Variants in PXDNL observed in about 807,000 individuals in gnomAD.
PXDNL encodes the protein peroxidasin like.
In PXDNL, 145 loss-of-function variants were observed where a neutral mutation model predicts 150.8. That is an observed-to-expected ratio of 0.96 (90% CI 0.84 to 1.10). The LOEUF is 1.10. PXDNL is among the 50% of genes least tolerant of loss of function. The pLI is 0.00. For missense variants in PXDNL, 2,087 were observed against 1,873.9 expected, an observed-to-expected ratio of 1.11 and a Z score of -2.10; for synonymous variants, 757 against 725.7, an observed-to-expected ratio of 1.04 and a Z score of -0.69.
intron 12 of PXDNL, among the ~76,000 whole-genome samples, chr8:51,430,880 C>G (rs747274955): frequency 4.6e-5 from 7 of 152,202 alleles, no homozygotes; most frequent in Non-Finnish European, 1.0e-4. Context: ...CAGGAACAAA[C>G]TGCCCTTGTC....
chr8:51,475,002 C>G lies in PXDNL; in HGVS notation c.664G>C (p.Ala222Pro), dbSNP rs1231052847. The G allele has an allele frequency of 3.1e-6, 5 of 1,606,408 alleles. No homozygotes were observed. In the East Asian group the frequency reaches 1.1e-4, roughly 36 times the overall value. ...YPRRLHGRAV[A>P]SVTVEEFNCQ... ...TTGAATTCCTCTACTGTTACTGAAG[C>G]AACTGCACGCCCATGGAGTCTCCTG... The change falls in exon 7 of 23, where the codon GCT becomes CCT. Residue 222 changes from alanine to proline, a missense_variant. By Grantham distance (27) the Ala-to-Pro change is conservative. Transcript: ENST00000356297.
chr8:51,420,241 C>A (rs1408104123), intron 14 of PXDNL, among the ~76,000 whole-genome samples: 1 of 152,142 alleles, frequency 6.6e-6, no homozygotes, highest in African/African-American at 2.4e-5. Context: ...ATTGGAAAAT[C>A]CTCCTGTAAG....
chr8:51,685,039 C>G (rs10088109), intron 1 of PXDNL, among the ~76,000 whole-genome samples: 127,958 of 152,176 alleles, frequency 0.84, 54,093 homozygotes, highest in African/African-American at 0.93. Flanking sequence ...ATATTGTAGG[C>G]AGGCACTCAG....
intron 17 of PXDNL, among the ~76,000 whole-genome samples, chr8:51,376,532 T>C (rs1807314075): frequency 6.6e-6 from 1 of 152,200 alleles, no homozygotes; most frequent in Admixed American, 6.5e-5. Flanking sequence ...ATTTCTGTTT[T>C]CTTGTTACAT....
At chr8:51,489,504 G>T (rs538273800) in intron 5 of PXDNL, among the ~76,000 whole-genome samples, 1 of 152,088 alleles carries the variant, frequency 6.6e-6, no homozygotes, top group African/African-American at 2.4e-5. Context: ...TTTTTGTAGA[G>T]ATTGGGTTTT....
At chr8:51,624,233 G>A (rs960772818) in intron 2 of PXDNL, among the ~76,000 whole-genome samples, 6 of 152,128 alleles carry the variant, frequency 3.9e-5, no homozygotes, top group Non-Finnish European at 5.9e-5. Flanking sequence ...AGATACTGGG[G>A]AGCCAAAGGA....
At chr8:51,598,274 A>G (rs1365810809) in intron 2 of PXDNL, among the ~76,000 whole-genome samples, 2 of 152,054 alleles carry the variant, frequency 1.3e-5, no homozygotes, top group Non-Finnish European at 2.9e-5. Context: ...AGTATTTTGA[A>G]TAGGAATGAT....
intron 4 of PXDNL, among the ~76,000 whole-genome samples, chr8:51,507,222 A>G (rs888997541): frequency 8.5e-5 from 13 of 152,354 alleles, no homozygotes; most frequent in Admixed American, 3.3e-4. Flanking sequence ...ATACCATGAG[A>G]ATCCAAATAT....
intron 1 of PXDNL, among the ~76,000 whole-genome samples, chr8:51,737,859 G>C (rs550222013): frequency 6.6e-6 from 1 of 151,710 alleles, no homozygotes; most frequent in South Asian, 2.1e-4. Flanking sequence ...ATTAAGATTC[G>C]CTCTCACTGA....
intron 7 of PXDNL, among the ~76,000 whole-genome samples, chr8:51,473,272 TAAACA>T (rs1810388163): frequency 5.8e-5 from 1 of 17,272 alleles, no homozygotes; most frequent in Non-Finnish European, 2.4e-4. Context: ...CAGTAGAAAA[TAAACA>T]CACACACACA....
intron 8 of PXDNL, among the ~76,000 whole-genome samples, chr8:51,462,561 A>T (rs1810106673): frequency 6.6e-6 from 1 of 152,182 alleles, no homozygotes; most frequent in Non-Finnish European, 1.5e-5. Flanking sequence ...GAGCTCAAAA[A>T]CTGGTTCTTT....
chr8:51,454,306 A>C (rs930131965), intron 9 of PXDNL, among the ~76,000 whole-genome samples: 1 of 152,218 alleles, frequency 6.6e-6, no homozygotes, highest in Non-Finnish European at 1.5e-5. Flanking sequence ...CAAAAAGCAG[A>C]AAGAAGAATA....
intron 5 of PXDNL, among the ~76,000 whole-genome samples, chr8:51,491,742 A>G (rs1405193768): frequency 6.6e-6 from 1 of 152,228 alleles, no homozygotes; most frequent in Admixed American, 6.5e-5. Context: ...CAAAAATACA[A>G]GGCTTGGTGG....
intron 3 of PXDNL, among the ~76,000 whole-genome samples, chr8:51,568,597 C>T (rs572953613): frequency 6.6e-6 from 1 of 150,802 alleles, no homozygotes; most frequent in South Asian, 2.1e-4. Flanking sequence ...GGTATTTATT[C>T]TGCTTTGTGT....
At chr8:51,730,538 G>A (rs1301969625) in intron 1 of PXDNL, among the ~76,000 whole-genome samples, 1 of 152,162 alleles carries the variant, frequency 6.6e-6, no homozygotes, top group Non-Finnish European at 1.5e-5. Context: ...TGGATGTAGA[G>A]ATGATTAAGA....
At chr8:51,444,913 A>T (rs1373944298) in intron 12 of PXDNL, among the ~76,000 whole-genome samples, 1 of 148,434 alleles carries the variant, frequency 6.7e-6, no homozygotes, top group African/African-American at 2.5e-5. Flanking sequence ...TTATTTTTCT[A>T]TTTTTTTTTT....
At chr8:51,510,168 A>C (rs1563444450) in intron 4 of PXDNL, among the ~76,000 whole-genome samples, 1 of 152,210 alleles carries the variant, frequency 6.6e-6, no homozygotes, top group Non-Finnish European at 1.5e-5. Flanking sequence ...CAAGAAAGGC[A>C]CATTGGGAAG....
At chr8:51,555,621 A>C (rs995877492) in intron 4 of PXDNL, among the ~76,000 whole-genome samples, 2 of 152,180 alleles carry the variant, frequency 1.3e-5, no homozygotes, top group Non-Finnish European at 2.9e-5. Context: ...AACCACATTG[A>C]ATATGGAAAC....
At chr8:51,679,750 G>T (rs927176361) in intron 1 of PXDNL, among the ~76,000 whole-genome samples, 1 of 152,138 alleles carries the variant, frequency 6.6e-6, no homozygotes, top group African/African-American at 2.4e-5. Context: ...TCAAAGCCTG[G>T]TAGTTGAATG....
Sources: allele counts gnomAD v4.1 joint callset (sites outside exome capture counted in the v4.1 genomes callset), GRCh38; gene constraint gnomAD v4.1.1; transcripts MANE v1.5; gene names NCBI Gene and HGNC (gene_info 2026-07-23, HGNC 2026-07-21).